The following LHFPL3 variants were observed in gnomAD, a reference collection of about 807,000 sequenced individuals.
The protein encoded by LHFPL3 is LHFPL tetraspan subfamily member 3, also known as LHFPL tetraspan subfamily member 3 protein.
In LHFPL3, 5 loss-of-function variants were observed where a neutral mutation model predicts 19.3. The observed-to-expected ratio is 0.26, with a 90% confidence interval of 0.14 to 0.54. The LOEUF is 0.54. Among genes scored for constraint, LHFPL3 ranks in the 20% least tolerant of loss-of-function variants. The probability of loss-of-function intolerance (pLI) is 0.94; values close to 1 mark genes in which losing one functional copy is unlikely to be tolerated. For missense variants in LHFPL3, 249 were observed against 307.4 expected (o/e 0.81, Z 1.42); for synonymous variants, 133 against 126.2 (o/e 1.05, Z -0.36).
chr7:104,403,926 T>A (rs1319959106), intron 1 of LHFPL3, among the ~76,000 whole-genome samples: 1 of 152,234 alleles, frequency 6.6e-6, no homozygotes, highest in Non-Finnish European at 1.5e-5. Flanking sequence ...GAAAAAATTT[T>A]GTGACATCTG....
intron 2 of LHFPL3, chr7:104,796,396 C>T (rs762898052): frequency 1.3e-5 from 2 of 152,090 alleles, no homozygotes; most frequent in Non-Finnish European, 2.9e-5. Flanking sequence ...TCAAGACAGG[C>T]TAGGAGTGAT....
intron 1 of LHFPL3, among the ~76,000 whole-genome samples, chr7:104,686,983 C>A (rs1380144125): frequency 3.3e-5 from 5 of 152,206 alleles, no homozygotes; most frequent in Non-Finnish European, 7.3e-5. Context: ...CATGGGGCAA[C>A]TGCCCCCATA....
At chr7:104,788,403 T>C (rs6466019) in intron 2 of LHFPL3, among the ~76,000 whole-genome samples, 77,023 of 152,030 alleles carry the variant, frequency 0.51, 19,902 homozygotes, top group East Asian at 0.83. Context: ...TAGCACAGTC[T>C]TCACACACCA....
At chr7:104,425,827 A>G (rs1292154277) in intron 1 of LHFPL3, among the ~76,000 whole-genome samples, 2 of 152,198 alleles carry the variant, frequency 1.3e-5, no homozygotes, top group Non-Finnish European at 2.9e-5. Context: ...TAGATAGAGG[A>G]CTAAATGGAG....
intron 1 of LHFPL3, among the ~76,000 whole-genome samples, chr7:104,603,990 C>T (rs546261818): frequency 6.6e-6 from 1 of 152,150 alleles, no homozygotes; most frequent in Admixed American, 6.5e-5. Flanking sequence ...GCTGGTAGTT[C>T]TACAGTTCTC....
At chr7:104,901,910 C>G (rs1188128050) in intron 2 of LHFPL3, among the ~76,000 whole-genome samples, 1 of 152,088 alleles carries the variant, frequency 6.6e-6, no homozygotes, top group South Asian at 2.1e-4. Flanking sequence ...CTTGCATGAC[C>G]CTGCAAGTGA....
chr7:104,723,646 C>T (rs1471832247), intron 1 of LHFPL3, among the ~76,000 whole-genome samples: 6 of 149,034 alleles, frequency 4.0e-5, no homozygotes, highest in Non-Finnish European at 8.9e-5. Flanking sequence ...CGCTTGAACC[C>T]GCGAGGTAGA....
chr7:104,651,740 T>C (rs1792037680), intron 1 of LHFPL3, among the ~76,000 whole-genome samples: 2 of 152,240 alleles, frequency 1.3e-5, no homozygotes, highest in Admixed American at 6.5e-5. Flanking sequence ...TACCACTTCT[T>C]TGATCTTGCC....
chr7:104,481,308 C>T (rs765380872), intron 1 of LHFPL3, among the ~76,000 whole-genome samples: 2 of 152,164 alleles, frequency 1.3e-5, no homozygotes, highest in Non-Finnish European at 2.9e-5. Flanking sequence ...TCTGAAATGC[C>T]AAGCTCTTCA....
At chr7:104,459,979 G>A (rs2115566275) in intron 1 of LHFPL3, among the ~76,000 whole-genome samples, 1 of 152,128 alleles carries the variant, frequency 6.6e-6, no homozygotes, top group South Asian at 2.1e-4. Flanking sequence ...AGTACCCAAT[G>A]GTTATTTTTT....
chr7:104,633,754 T>TA (rs1382205845), intron 1 of LHFPL3, among the ~76,000 whole-genome samples: 1 of 152,248 alleles, frequency 6.6e-6, no homozygotes, highest in Non-Finnish European at 1.5e-5. Context: ...GTCCTAGATG[T>TA]AAAAGTTCTC....
intron 2 of LHFPL3, among the ~76,000 whole-genome samples, chr7:104,856,700 T>C (rs1791512525): frequency 6.6e-6 from 1 of 152,232 alleles, no homozygotes; most frequent in Non-Finnish European, 1.5e-5. Context: ...ATCACTTGCT[T>C]AGTAGAATGA....
intron 1 of LHFPL3, among the ~76,000 whole-genome samples, chr7:104,528,798 T>C (rs1025616893): frequency 1.3e-5 from 2 of 152,148 alleles, no homozygotes; most frequent in African/African-American, 4.8e-5. Context: ...CTTTTTTGTT[T>C]TCTAGAGAAT....
At chr7:104,349,703 C>T (rs1790138353) in intron 1 of LHFPL3, among the ~76,000 whole-genome samples, 1 of 152,126 alleles carries the variant, frequency 6.6e-6, no homozygotes, top group South Asian at 2.1e-4. Flanking sequence ...CACATGTATC[C>T]CCGAACTTAA....
At chr7:104,622,959 C>G (rs189602248) in intron 1 of LHFPL3, 2 of 315,842 alleles carry the variant, frequency 6.3e-6, no homozygotes, top group Non-Finnish European at 1.3e-5. Context: ...TTATTTTTAT[C>G]TGTCATTTTT....
chr7:104,449,769 T>C (rs1456710763), intron 1 of LHFPL3, among the ~76,000 whole-genome samples: 2 of 152,182 alleles, frequency 1.3e-5, no homozygotes, highest in Non-Finnish European at 1.5e-5. Context: ...TTTTCTATCA[T>C]TTTTTGCCAT....
intron 1 of LHFPL3, among the ~76,000 whole-genome samples, chr7:104,692,673 G>A (rs114816288): frequency 0.013 from 1,991 of 152,334 alleles, 40 homozygotes; most frequent in African/African-American, 0.044. Context: ...TTGGGCCTGC[G>A]GGTACACAGA....
At chr7:104,596,952 G>A (rs1220626838) in intron 1 of LHFPL3, among the ~76,000 whole-genome samples, 1 of 152,144 alleles carries the variant, frequency 6.6e-6, no homozygotes, top group Admixed American at 6.6e-5. Context: ...TCCAACATTT[G>A]ACCCATATCT....
At chr7:104,394,465 T>C (rs953227760) in intron 1 of LHFPL3, among the ~76,000 whole-genome samples, 1 of 152,214 alleles carries the variant, frequency 6.6e-6, no homozygotes, top group African/African-American at 2.4e-5. Context: ...CATAAAGAGA[T>C]AAATAGCCAT....
Sources: gnomAD v4.1 joint callset for allele counts (sites outside exome capture counted in the v4.1 genomes callset) on GRCh38, gnomAD v4.1.1 for gene constraint, MANE v1.5 for transcripts, NCBI Gene and HGNC (gene_info 2026-07-23, HGNC 2026-07-21) for gene names.